The following DAW1 variants were observed in gnomAD, a reference collection of about 807,000 sequenced individuals.
DAW1 encodes dynein assembly factor with WD repeats 1, also known as dynein assembly factor with WD repeat domains 1.
In DAW1, 47 loss-of-function variants were observed where a neutral mutation model predicts 56.5. The observed-to-expected ratio is 0.83, with a 90% CI of 0.66 to 1.06. The LOEUF (loss-of-function observed/expected upper bound fraction) is 1.06, where lower values mean the gene tolerates loss of function less well. Among genes scored for constraint, DAW1 ranks in the 50% least tolerant of loss-of-function variants. The probability of loss-of-function intolerance (pLI) is 0.00; values close to 1 mark genes in which losing one functional copy is unlikely to be tolerated. For synonymous variants in DAW1, 190 were observed against 179.0 expected (o/e 1.06, Z -0.49); for missense variants, 505 against 499.3 (o/e 1.01, Z -0.11).
At chr2:227,902,804 G>A (rs1406446380) in intron 6 of DAW1, among the ~76,000 whole-genome samples, 198 bp from the exon 7 acceptor site, 1 of 152,174 alleles carries the variant, frequency 6.6e-6, no homozygotes, top group Non-Finnish European at 1.5e-5. Flanking sequence ...TGGGTGCTGT[G>A]GGAGAACAAG....
At chr2:227,885,238 A>G (rs1691096215) in intron 1 of DAW1, 113 bp from the exon 2 acceptor site, 11 of 702,782 alleles carry the variant, frequency 1.6e-5, no homozygotes, top group Non-Finnish European at 2.4e-5. Context: ...ATTTTTTGTT[A>G]AAAAATTAAA....
At chr2:227,894,666 A>G (rs1358507812) in intron 5 of DAW1, among the ~76,000 whole-genome samples, 1 of 152,230 alleles carries the variant, frequency 6.6e-6, no homozygotes, top group African/African-American at 2.4e-5. Flanking sequence ...GTGTGGTAAC[A>G]TGCTAAATAA....
intron 2 of DAW1, among the ~76,000 whole-genome samples, chr2:227,886,054 A>G (rs1273170537): frequency 7.0e-6 from 1 of 142,888 alleles, no homozygotes; most frequent in Non-Finnish European, 1.5e-5. Context: ...GGCTCATTGC[A>G]TCCTCCGCCT....
chr2:227,906,623 A>G (rs377221670), intron 9 of DAW1, among the ~76,000 whole-genome samples: 1 of 152,292 alleles, frequency 6.6e-6, no homozygotes, highest in South Asian at 2.1e-4. Context: ...TAGAACTTCA[A>G]TTAGTAGAGT....
intron 10 of DAW1, among the ~76,000 whole-genome samples, chr2:227,917,437 T>C (rs1453564644): frequency 6.6e-6 from 1 of 152,074 alleles, no homozygotes; most frequent in Non-Finnish European, 1.5e-5. Flanking sequence ...ATTTGTTGTA[T>C]TTTTAGTAGA....
At chr2:227,884,847 A>G (rs1362064751) in intron 1 of DAW1, among the ~76,000 whole-genome samples, 1 of 152,156 alleles carries the variant, frequency 6.6e-6, no homozygotes, top group Non-Finnish European at 1.5e-5. Flanking sequence ...GGGAGGTCCC[A>G]GGACTTTGTT....
At chr2:227,919,890 G>T (rs777788748) in intron 11 of DAW1, among the ~76,000 whole-genome samples, 3 of 152,130 alleles carry the variant, frequency 2.0e-5, no homozygotes, top group Non-Finnish European at 4.4e-5. Flanking sequence ...CTGGAACTCC[G>T]CCCCAGGCTG....
chr2:227,917,142 A>ATCTGTCTGTCTGTCTG lies in DAW1; in HGVS notation c.974-1614_974-1599dup, dbSNP rs58001363. Among the ~76,000 whole-genome samples, 7 of 138,462 alleles carry ATCTGTCTGTCTGTCTG rather than the reference A, an allele frequency of 5.1e-5. No homozygotes were observed. In the East Asian group the frequency reaches 6.5e-4, roughly 13 times the overall value. The allele number at this position is 138,462 out of a possible 152,430, so 90.8% of individuals were successfully genotyped here. The stretch of plus-strand genomic sequence containing the variant: ...TATCTATCTATCTATCTATCTATCT[A>ATCTGTCTGTCTGTCTG]TCTGTCTGTCTGTCTGTCTGTCTGT... On this transcript the variant is annotated intron_variant, in intron 10 of 12. Transcript: ENST00000309931.
chr2:227,880,848 G>T (rs1333998768), intron 1 of DAW1, among the ~76,000 whole-genome samples: 1 of 152,184 alleles, frequency 6.6e-6, no homozygotes, highest in Admixed American at 6.5e-5. Flanking sequence ...GTGATAGGGA[G>T]ACATCTATGT....
Position 227,916,240 on chromosome 2 carries a change from AT to A in DAW1, c.974-2537del, listed in dbSNP as rs1691949845. Among the ~76,000 whole-genome samples the A allele has an allele frequency of 2.6e-5, 4 of 152,144 alleles. No individual in the cohort carries two copies. In the South Asian group the frequency reaches 8.3e-4, roughly 32 times the overall value. On this transcript the variant is annotated intron_variant, in intron 10 of 12. Coordinates refer to ENST00000309931, the MANE Select transcript of DAW1 (RefSeq NM_178821.3). ...CATTGTTTTTAACAGCAGTACATTA[AT>A]TTATACTATGTTTACATCAATTTAA... is the stretch of plus-strand genomic sequence containing the variant.
At chr2:227,876,492 C>T (rs1018804909) in intron 1 of DAW1, 1 of 1,301,330 alleles carries the variant, frequency 7.7e-7, no homozygotes, top group Non-Finnish European at 1.0e-6. Flanking sequence ...TACTGAATAG[C>T]AGGTGGGTGT....
intron 10 of DAW1, among the ~76,000 whole-genome samples, chr2:227,910,231 C>T (rs931116403): frequency 2.6e-5 from 4 of 151,808 alleles, no homozygotes; most frequent in East Asian, 1.9e-4. Flanking sequence ...ATTGGAGGAT[C>T]GCTTGAGGCC....
chr2:227,874,134 A>T (rs1465785617), intron 1 of DAW1, among the ~76,000 whole-genome samples: 2 of 152,198 alleles, frequency 1.3e-5, no homozygotes, highest in Non-Finnish European at 2.9e-5. Flanking sequence ...ATGTACCAAT[A>T]AATGAAGCTC....
chr2:227,896,132 A>G (rs1297913668), intron 5 of DAW1, among the ~76,000 whole-genome samples: 4 of 152,238 alleles, frequency 2.6e-5, no homozygotes, highest in Non-Finnish European at 1.5e-5. Flanking sequence ...CGTTCCAATT[A>G]AGTTTTAGAA....
At chr2:227,903,438 T>A (rs1357465813) in intron 7 of DAW1, among the ~76,000 whole-genome samples, 1 of 152,128 alleles carries the variant, frequency 6.6e-6, no homozygotes, top group Non-Finnish European at 1.5e-5. Context: ...GACAAGAGAA[T>A]CCTTAGAGCA....
chr2:227,897,901 C>T (rs537943885), intron 5 of DAW1, among the ~76,000 whole-genome samples: 4 of 152,126 alleles, frequency 2.6e-5, no homozygotes, highest in African/African-American at 9.6e-5. Flanking sequence ...ATTTTCTAAA[C>T]TAAACCTTTT....
At chr2:227,911,345 CAT>C (rs537118222) in intron 10 of DAW1, among the ~76,000 whole-genome samples, 14 of 60,174 alleles carry the variant, frequency 2.3e-4, no homozygotes, top group South Asian at 1.7e-3. Context: ...TATATATACA[CAT>C]GTGTATATAT....
At chr2:227,898,108 A>G (rs1467857851) in intron 5 of DAW1, 74 bp from the exon 6 acceptor site, 4 of 936,670 alleles carry the variant, frequency 4.3e-6, no homozygotes, top group Non-Finnish European at 5.9e-6. Flanking sequence ...CTCATGTATT[A>G]ATATCTCATC....
rs1300625639 is a variant in DAW1, at chr2:227,891,264, G to A, written c.268G>A (p.Ala90Thr). ...HTFYLFKVLK[A>T]HILPLTNVAL... ...TTTTCTTTCACTGAAGGTTCTCAAA[G>A]CACATATATTGCCACTGACTAATGT... The change falls in exon 4 of 13, where the codon GCA becomes ACA. Residue 90 changes from alanine (A) to threonine (T), a missense_variant. Ala to Thr is a moderately conservative substitution (Grantham distance 58). Coordinates refer to ENST00000309931, the MANE Select transcript of DAW1 (RefSeq NM_178821.3). 3.7e-6 allele frequency: 6 copies of A among 1,612,820 alleles called. No homozygotes were observed. The highest frequency in any genetic ancestry group is 5.1e-6 in the Non-Finnish European group (6 of 1,179,560).
Sources: gnomAD v4.1 joint callset for allele counts (sites outside exome capture counted in the v4.1 genomes callset) on GRCh38, gnomAD v4.1.1 for gene constraint, MANE v1.5 for transcripts, NCBI Gene and HGNC (gene_info 2026-07-23, HGNC 2026-07-21) for gene names.